ULK1: variants seen among roughly 807,000 people sequenced by gnomAD.
The protein encoded by ULK1 is serine/threonine-protein kinase ULK1.
ULK1 carries 48 observed loss-of-function variants against 117.5 expected under a neutral mutation model. The ratio of observed to expected loss-of-function variants is 0.41; its 90% confidence interval spans 0.32 to 0.52. The LOEUF is 0.52. Among genes scored for constraint, ULK1 ranks in the 20% least tolerant of loss-of-function variants. The probability of loss-of-function intolerance (pLI) is 0.29; values close to 1 mark genes in which losing one functional copy is unlikely to be tolerated. For synonymous variants in ULK1, 790 were observed against 637.8 expected, an observed-to-expected ratio of 1.24 and a Z score of -3.60; for missense variants, 1,387 against 1,473.4, an observed-to-expected ratio of 0.94 and a Z score of 0.96.
chr12:131,908,744 G>A lies in ULK1; in HGVS notation c.417G>A (p.Leu139=), dbSNP rs756833009. ...LHSKGIIHRD[L]KPQNILLSNP... Reference sequence around the variant, plus strand: ...GCAAAGGCATCATCCACCGCGACCTGAAACCGCAGAACATCCTGCTGTCCA... The same window carrying A: ...GCAAAGGCATCATCCACCGCGACCTAAAACCGCAGAACATCCTGCTGTCCA... Residue 139 remains leucine (L), a synonymous_variant, in exon 6 of 28, where the codon CTG becomes CTA. Transcript: ENST00000321867. 2.5e-6 allele frequency: 4 copies of A among 1,608,914 alleles called. No individual in the cohort carries two copies. Among genetic ancestry groups the A allele is most frequent in the Non-Finnish European group, 3.4e-6 (4 of 1,178,674 alleles).
At chr12:131,912,845 C>T (rs1244124123) in intron 13 of ULK1, among the ~76,000 whole-genome samples, 1 of 152,102 alleles carries the variant, frequency 6.6e-6, no homozygotes, top group African/African-American at 2.4e-5. Context: ...GGGGGTTGGG[C>T]CCAGACTTAG....
At chr12:131,907,401 T>C in intron 4 of ULK1, 94 bp from the exon 5 acceptor site, 8 of 1,499,498 alleles carry the variant, frequency 5.3e-6, no homozygotes, top group Non-Finnish European at 3.6e-6. Flanking sequence ...GCTCAGGGAG[T>C]AGTGTCCAAG....
chr12:131,902,558 C>T lies in ULK1; in HGVS notation c.247-4334C>T, dbSNP rs765842304. 2.6e-5 allele frequency among the ~76,000 whole-genome samples: 4 copies of T among 152,140 alleles called. No homozygotes were observed. The highest frequency in any genetic ancestry group is 5.9e-5 in the Non-Finnish European group (4 of 68,002). On this transcript the variant is annotated intron_variant, in intron 3 of 27. Coordinates refer to ENST00000321867, the MANE Select transcript of ULK1 (RefSeq NM_003565.4). This position sits in a 1 kb window ranked among gnomAD's most constrained non-coding sequence, Gnocchi z 6.3. The stretch of plus-strand genomic sequence containing the variant: ...TGGAGACAGTGGGGTGTTGATATTG[C>T]TGTCTTTTTGAAGTGTTCTGAGCCT...
At chr12:131,896,290 G>A (rs767021476) in intron 3 of ULK1, among the ~76,000 whole-genome samples, 17 of 152,216 alleles carry the variant, frequency 1.1e-4, no homozygotes, top group Non-Finnish European at 2.2e-4. Context: ...GGCCGGGCCG[G>A]GGCACAGGCG....
chr12:131,920,992 C>T (rs1331236311), intron 26 of ULK1, 108 bp from the exon 27 acceptor site: 22 of 1,427,344 alleles, frequency 1.5e-5, no homozygotes, highest in Non-Finnish European at 2.0e-5. Flanking sequence ...CGTCACTGCC[C>T]TGAGCGCCTA....
At chr12:131,918,227 G>A (rs373679614) in intron 22 of ULK1, 4 of 542,792 alleles carry the variant, frequency 7.4e-6, no homozygotes, top group Non-Finnish European at 1.3e-5. Context: ...TGGGCTGGGG[G>A]TCGGGATACC....
chr12:131,912,485 A>T (rs965816451), intron 13 of ULK1, among the ~76,000 whole-genome samples: 1 of 152,188 alleles, frequency 6.6e-6, no homozygotes, highest in Non-Finnish European at 1.5e-5. Flanking sequence ...CCGCTCCATA[A>T]TGGCCAGGGG....
At chr12:131,899,622 C>T (rs1889010164) in intron 3 of ULK1, among the ~76,000 whole-genome samples, 2 of 152,194 alleles carry the variant, frequency 1.3e-5, no homozygotes, top group South Asian at 4.1e-4. Context: ...TCCTGAGTAG[C>T]TGGGACTACA....
intron 20 of ULK1, 128 bp downstream of exon 20, chr12:131,916,719 T>C: frequency 8.0e-7 from 1 of 1,255,986 alleles, no homozygotes; most frequent in Non-Finnish European, 1.1e-6. Flanking sequence ...GGGTGCCCAG[T>C]GTGGCTGGGT....
At chr12:131,917,244 T>TG (rs1889871241) in intron 21 of ULK1, among the ~76,000 whole-genome samples, 167 bp from the exon 22 acceptor site, 1 of 28,952 alleles carries the variant, frequency 3.5e-5, no homozygotes, top group Non-Finnish European at 5.8e-5. Context: ...GGGGTCGGGT[T>TG]CGGCTCGGAG....
In ULK1 at chr12:131,921,557, TG is replaced by T. The variant is rs1890152369; in HGVS notation, c.*202del. On this transcript the variant is annotated 3_prime_UTR_variant, in exon 28 of 28. Coordinates refer to ENST00000321867, the MANE Select transcript of ULK1 (RefSeq NM_003565.4). Reference sequence around the variant, plus strand: ...CCAGCACATCTGGAGCCACACAGCTTGGGGGGTGTCTCCCATCTTTTACAGG... The same window carrying T: ...CCAGCACATCTGGAGCCACACAGCTTGGGGGTGTCTCCCATCTTTTACAGG... 11 of 758,432 alleles carry T rather than the reference TG, an allele frequency of 1.5e-5. No homozygotes were observed. Among genetic ancestry groups the T allele is most frequent in the African/African-American group, 3.5e-5 (2 of 57,474 alleles). The allele number at this position is 758,432 out of a possible 1,614,324, so 47.0% of individuals were successfully genotyped here. A position where few individuals can be genotyped will look rare whatever the true frequency, so the allele number is the denominator to read the frequency against.
In ULK1 at chr12:131,919,197, G is replaced by T. The variant is rs774901552; in HGVS notation, c.2512-15G>T. Reference sequence around the variant, plus strand: ...CCCGGGCAGCACTTGCCGCCCTGACGGCCGCTTCCTGCAGCAAGAGCACAC... The same window carrying T: ...CCCGGGCAGCACTTGCCGCCCTGACTGCCGCTTCCTGCAGCAAGAGCACAC... On this transcript the variant is annotated splice_polypyrimidine_tract_variant and intron_variant, in intron 23 of 27. Coordinates refer to ENST00000321867, the MANE Select transcript of ULK1 (RefSeq NM_003565.4). 2.7e-5 allele frequency: 43 copies of T among 1,585,176 alleles called. No individual in the cohort carries two copies. The highest frequency in any genetic ancestry group is 3.3e-5 in the Non-Finnish European group (39 of 1,172,130).
chr12:131,905,116 G>A (rs1013611118), intron 3 of ULK1, among the ~76,000 whole-genome samples: 4 of 152,132 alleles, frequency 2.6e-5, no homozygotes, highest in Admixed American at 2.0e-4. Context: ...TGGGTTTCTG[G>A]GTCTCCCTCT....
At chr12:131,919,126 C>A in intron 23 of ULK1, 86 bp from the exon 24 acceptor site, 1 of 1,456,848 alleles carries the variant, frequency 6.9e-7, no homozygotes, top group Non-Finnish European at 9.1e-7. Context: ...CCCTGCCTCC[C>A]CAAGGCGTCA....
At chr12:131,913,617 A>C in intron 14 of ULK1, 130 bp from the exon 15 acceptor site, 1 of 607,228 alleles carries the variant, frequency 1.6e-6, no homozygotes, top group Non-Finnish European at 2.6e-6. Flanking sequence ...AGGCAGGAGA[A>C]TCGCTTGAAC....
Position 131,909,060 on chromosome 12 carries a change from T to C in ULK1, c.565-76T>C, listed in dbSNP as rs544961930. On this transcript the variant is annotated intron_variant, in intron 7 of 27. Transcript: ENST00000321867. ...TGGCGTGTGGTGCGCTCTGCTCTGG[T>C]TGGCTGTGGCCTGGCGGGCACCTTC... 944 of 1,608,886 alleles carry C rather than the reference T, an allele frequency of 5.9e-4. 2 individuals are homozygous for C. In the African/African-American group the frequency reaches 6.2e-3, roughly 11 times the overall value.
In ULK1 at chr12:131,911,925, C is replaced by G; in HGVS notation, c.949-17C>G. 6.2e-7 allele frequency: 1 copy of G among 1,612,610 alleles called. No individual in the cohort carries two copies. The highest frequency in any genetic ancestry group is 8.5e-7 in the Non-Finnish European group (1 of 1,179,878). On this transcript the variant is annotated splice_polypyrimidine_tract_variant and intron_variant, in intron 12 of 27. Coordinates refer to ENST00000321867, the MANE Select transcript of ULK1 (RefSeq NM_003565.4). ...GGTCCCTGAGACCTGCTCACCAGCC[C>G]CTCCGTTGACTCTCAGTCCCTGGGC...
In ULK1 at chr12:131,917,277, C is replaced by CGGA; in HGVS notation, c.2183-132_2183-131insAGG. On this transcript the variant is annotated intron_variant, in intron 21 of 27. Transcript: ENST00000321867. ...GAGGCTGTGGGACGGGGGTCGGGTTCGGCTCGGAGGCTGTGGGACGGGGGT... is the reference window on the plus strand; with the variant it reads ...GAGGCTGTGGGACGGGGGTCGGGTTCGGAGGCTCGGAGGCTGTGGGACGGGGGT... 1.7e-4 allele frequency: 40 copies of CGGA among 235,772 alleles called. 20 individuals carry two copies. The highest frequency in any genetic ancestry group is 2.8e-4 in the Admixed American group (2 of 7,252). The allele number at this position is 235,772 out of a possible 1,614,324, so 14.6% of individuals were successfully genotyped here.
rs1445717182 is a variant in ULK1, at chr12:131,914,573, T to C, written c.1373+96T>C. 7.5e-6 allele frequency: 11 copies of C among 1,466,364 alleles called. No individual in the cohort carries two copies. In the African/African-American group the frequency reaches 1.1e-4, roughly 15 times the overall value. The allele number at this position is 1,466,364 out of a possible 1,614,324, so 90.8% of individuals were successfully genotyped here. Reference sequence around the variant, plus strand: ...CATAGAGGGACAGGGTCGTCATCCATGTGCAGTTGTGCAGGCTGCGCACTG... The same window carrying C: ...CATAGAGGGACAGGGTCGTCATCCACGTGCAGTTGTGCAGGCTGCGCACTG... On this transcript the variant is annotated intron_variant, in intron 16 of 27. Coordinates refer to ENST00000321867, the MANE Select transcript of ULK1 (RefSeq NM_003565.4).
Sources: gnomAD v4.1 joint callset for allele counts (sites outside exome capture counted in the v4.1 genomes callset) on GRCh38, gnomAD v4.1.1 for gene constraint, Gnocchi (gnomAD v3.1) non-coding constraint, MANE v1.5 for transcripts, NCBI Gene and HGNC (gene_info 2026-07-23, HGNC 2026-07-21) for gene names.